The following REPS1 variants were observed in gnomAD, a reference collection of about 807,000 sequenced individuals.
REPS1 encodes the protein ralBP1-associated Eps domain-containing protein 1.
REPS1 carries 39 observed loss-of-function variants against 100.9 expected under a neutral mutation model. That is an observed-to-expected ratio of 0.39 (90% confidence interval 0.30 to 0.50). The LOEUF is 0.50. Ranked by LOEUF, REPS1 falls within the 20% of genes least tolerant of loss-of-function variation. The probability of loss-of-function intolerance (pLI) is 0.86; values close to 1 mark genes in which losing one functional copy is unlikely to be tolerated. For synonymous variants in REPS1, 324 were observed against 340.3 expected (o/e 0.95, Z 0.53); for missense variants, 821 against 968.5 (o/e 0.85, Z 2.02).
chr6:138,938,088 A>G (rs1781978510), intron 8 of REPS1, among the ~76,000 whole-genome samples: 1 of 152,150 alleles, frequency 6.6e-6, no homozygotes, highest in African/African-American at 2.4e-5. Context: ...TCTGCAGATG[A>G]ATTTTTGTAT....
At chr6:138,976,622 A>C (rs1784616078) in intron 1 of REPS1, among the ~76,000 whole-genome samples, 1 of 152,230 alleles carries the variant, frequency 6.6e-6, no homozygotes, top group Non-Finnish European at 1.5e-5. Context: ...CATAATATTA[A>C]GATATCTGAG....
intron 9 of REPS1, chr6:138,928,568 G>C (rs1346204693): frequency 6.6e-6 from 1 of 152,046 alleles, no homozygotes; most frequent in East Asian, 1.9e-4. Context: ...TATTTAAGTA[G>C]GGAAAATGCA....
intron 1 of REPS1, among the ~76,000 whole-genome samples, chr6:138,986,516 C>A (rs140271327): frequency 1.5e-3 from 228 of 152,298 alleles, no homozygotes; most frequent in African/African-American, 5.2e-3. Context: ...TGGTTAACAG[C>A]AGAGTAGGGT....
rs115223592 is a variant in REPS1, at chr6:138,967,283, A to G, written c.154-19370T>C. Among the ~76,000 whole-genome samples the G allele has an allele frequency of 9.0e-3, 1,375 of 152,336 alleles. 15 individuals are homozygous for G. Among genetic ancestry groups the G allele is most frequent in the African/African-American group, 0.031 (1,301 of 41,574 alleles). On this transcript the variant is annotated intron_variant, in intron 1 of 19. Transcript: ENST00000450536. ...CAGTCTATGGTATTCTGTTTAAAAT[A>G]GCAACATAAAATGGATAAGGCAACA...
chr6:138,948,332 G>GTC (rs1782774013), intron 1 of REPS1, among the ~76,000 whole-genome samples: 4 of 152,088 alleles, frequency 2.6e-5, no homozygotes, highest in African/African-American at 7.2e-5. Flanking sequence ...TTTATCAAGT[G>GTC]GGGAAGAAAG....
chr6:138,930,158 T>C, intron 8 of REPS1, 60 bp from the exon 9 acceptor site: 1 of 1,415,530 alleles, frequency 7.1e-7, no homozygotes, highest in Non-Finnish European at 9.7e-7. Flanking sequence ...ATTTTAGGCA[T>C]ATTTACTTAT....
intron 9 of REPS1, chr6:138,929,217 CA>C (rs1360700762): frequency 6.6e-6 from 1 of 152,156 alleles, no homozygotes; most frequent in Non-Finnish European, 1.5e-5. Context: ...TAGGCTACAG[CA>C]ATGGTTTCCA....
chr6:138,949,931 A>G (rs556065419), intron 1 of REPS1, among the ~76,000 whole-genome samples: 17 of 152,228 alleles, frequency 1.1e-4, no homozygotes, highest in African/African-American at 4.1e-4. Flanking sequence ...CATATTGCAC[A>G]TGTTGTTTTC....
chr6:138,958,533 TC>T (rs1399608161), intron 1 of REPS1, among the ~76,000 whole-genome samples: 1 of 151,978 alleles, frequency 6.6e-6, no homozygotes, highest in African/African-American at 2.4e-5. Flanking sequence ...TGTGTGTTGC[TC>T]CCCTCCCTGT....
Position 138,926,498 on chromosome 6 carries a change from G to A in REPS1, c.1258-17C>T, listed in dbSNP as rs1295611868. ...CTCCCACTGCTGAACAGACAGAGGAGAGACAAGTCAGCATGATGAGAAAGA... is the reference window on the plus strand; with the variant it reads ...CTCCCACTGCTGAACAGACAGAGGAAAGACAAGTCAGCATGATGAGAAAGA... On this transcript the variant is annotated splice_polypyrimidine_tract_variant and intron_variant, in intron 9 of 19. Coordinates refer to ENST00000450536, the MANE Select transcript of REPS1 (RefSeq NM_001286611.2). 4 of 1,575,226 alleles carry A rather than the reference G, an allele frequency of 2.5e-6. No homozygotes were observed. The highest frequency in any genetic ancestry group is 1.1e-5 in the South Asian group (1 of 88,988).
chr6:138,915,046 A>G, intron 14 of REPS1: 2 of 358,898 alleles, frequency 5.6e-6, no homozygotes, highest in South Asian at 8.2e-5. Context: ...TTCTTCGTGT[A>G]TCTCTGACTG....
intron 1 of REPS1, among the ~76,000 whole-genome samples, chr6:138,977,207 C>A (rs1784644241): frequency 6.6e-6 from 1 of 152,192 alleles, no homozygotes; most frequent in African/African-American, 2.4e-5. Context: ...TATTTTCCTC[C>A]ATACCATTTC....
At chr6:138,916,218 C>CTTTT (rs10582137) in intron 13 of REPS1, 89 of 207,380 alleles carry the variant, frequency 4.3e-4, no homozygotes, top group Non-Finnish European at 6.1e-4. Context: ...TTCTTTTTTT[C>CTTTT]TTTTTTTTTT....
chr6:138,969,960 C>T (rs780629528), intron 1 of REPS1, among the ~76,000 whole-genome samples: 4 of 140,676 alleles, frequency 2.8e-5, no homozygotes, highest in South Asian at 2.3e-4. Flanking sequence ...CAATCCTATT[C>T]GGGGTGCCAG....
chr6:138,964,070 T>C (rs1783883997), intron 1 of REPS1, among the ~76,000 whole-genome samples: 1 of 152,226 alleles, frequency 6.6e-6, no homozygotes, highest in Non-Finnish European at 1.5e-5. Flanking sequence ...ATTTCTCATC[T>C]AAAACTTTTA....
chr6:138,915,735 CCA>C (rs2128436934), intron 14 of REPS1, 121 bp downstream of exon 14: 1 of 729,848 alleles, frequency 1.4e-6, no homozygotes, highest in African/African-American at 1.8e-5. Context: ...GCATGAGCAA[CCA>C]CACTCGACCA....
At chr6:138,978,505 T>C (rs1194944951) in intron 1 of REPS1, among the ~76,000 whole-genome samples, 2 of 151,554 alleles carry the variant, frequency 1.3e-5, no homozygotes, top group Non-Finnish European at 2.9e-5. Flanking sequence ...GGCAGGGGTC[T>C]CCCTATGTTG....
Position 138,938,561 on chromosome 6 carries a change from T to C in REPS1, c.1135+2774A>G, listed in dbSNP as rs1164703913. On this transcript the variant is annotated intron_variant, in intron 8 of 19. Transcript: ENST00000450536. ...ATATTAGTGCAGTGCCTGGCAAAGT[T>C]GTATGTTTTGAGCATACTACAATAA... Among the ~76,000 whole-genome samples the C allele has an allele frequency of 2.6e-5, 4 of 152,200 alleles. No homozygotes were observed. The East Asian group carries it at 7.7e-4, about 29-fold the overall frequency.
chr6:138,984,367 G>C (rs1008814182), intron 1 of REPS1, among the ~76,000 whole-genome samples: 1 of 152,110 alleles, frequency 6.6e-6, no homozygotes, highest in Non-Finnish European at 1.5e-5. Flanking sequence ...ACAGGCATGA[G>C]CCACTGTGCC....
Sources: allele counts gnomAD v4.1 joint callset (sites outside exome capture counted in the v4.1 genomes callset), GRCh38; gene constraint gnomAD v4.1.1; transcripts MANE v1.5; gene names NCBI Gene and HGNC (gene_info 2026-07-23, HGNC 2026-07-21).